Variants in MAML2 observed in about 807,000 individuals in gnomAD.
The protein encoded by MAML2 is mastermind like transcriptional coactivator 2.
In MAML2, 22 loss-of-function variants were observed where a neutral mutation model predicts 96.1. That is an observed-to-expected ratio of 0.23 (90% CI 0.16 to 0.33). MAML2 has a LOEUF of 0.33. MAML2 is among the 10% of genes least tolerant of loss of function. The probability of loss-of-function intolerance (pLI) is 1.00; values close to 1 mark genes in which losing one functional copy is unlikely to be tolerated. For missense variants in MAML2, 1,367 were observed against 1,392.4 expected (o/e 0.98, Z 0.29); for synonymous variants, 561 against 521.3 (o/e 1.08, Z -1.04).
intron 2 of MAML2, among the ~76,000 whole-genome samples, chr11:96,070,917 G>T (rs897407312): frequency 1.3e-5 from 2 of 152,218 alleles, no homozygotes; most frequent in Non-Finnish European, 2.9e-5. Context: ...ACTACAAAAG[G>T]TCTTTGACTT....
intron 1 of MAML2, among the ~76,000 whole-genome samples, chr11:96,308,212 T>C (rs1019380730): frequency 6.6e-6 from 1 of 152,020 alleles, no homozygotes; most frequent in Admixed American, 6.6e-5. Context: ...ATAAAGAATA[T>C]AAAATACTAA....
At position 96,176,122 on chromosome 11, in the gene MAML2, C is replaced by T. The variant is rs560130875; in HGVS notation, c.514-82605G>A. On this transcript the variant is annotated intron_variant, in intron 1 of 4. Transcript: ENST00000524717. ...GACCCAAATTTTACTCAAGAAGATG[C>T]GGTTCAGAGATGCTGGGTCATTAGC... Among the ~76,000 whole-genome samples the T allele has an allele frequency of 5.3e-5, 8 of 152,190 alleles. No individual in the cohort carries two copies. The South Asian group carries it at 1.7e-3, about 32-fold the overall frequency.
chr11:96,176,240 G>T (rs1861386897), intron 1 of MAML2, among the ~76,000 whole-genome samples: 1 of 152,096 alleles, frequency 6.6e-6, no homozygotes, highest in Non-Finnish European at 1.5e-5. Context: ...CCACAAAGTT[G>T]TCTCCATATA....
intron 1 of MAML2, among the ~76,000 whole-genome samples, chr11:96,289,627 T>C (rs1206504782): frequency 6.6e-6 from 1 of 152,194 alleles, no homozygotes; most frequent in Non-Finnish European, 1.5e-5. Context: ...TTTATTTAAA[T>C]TAATAAAAAT....
intron 1 of MAML2, among the ~76,000 whole-genome samples, chr11:96,319,130 T>C (rs1453891254): frequency 2.6e-5 from 4 of 152,198 alleles, no homozygotes; most frequent in African/African-American, 9.7e-5. Context: ...AGAACACTCA[T>C]GCAGCCTATA....
At chr11:96,005,784 A>G (rs768883146) in intron 2 of MAML2, among the ~76,000 whole-genome samples, 1 of 152,248 alleles carries the variant, frequency 6.6e-6, no homozygotes, top group African/African-American at 2.4e-5. Context: ...CAAAAGATTC[A>G]TATTTTTCCC....
At chr11:96,276,816 CAAAAA>C (rs67291067) in intron 1 of MAML2, among the ~76,000 whole-genome samples, 1 of 78,654 alleles carries the variant, frequency 1.3e-5, no homozygotes, top group Non-Finnish European at 2.5e-5. Context: ...TTCTCAGACC[CAAAAA>C]AAAAAAAAAA....
At chr11:96,109,703 C>CA in intron 1 of MAML2, among the ~76,000 whole-genome samples, 1 of 152,162 alleles carries the variant, frequency 6.6e-6, no homozygotes, top group African/African-American at 2.4e-5. Flanking sequence ...GAGTGTGTTT[C>CA]ATGATGGGGA....
chr11:96,135,278 C>T (rs1191429271), intron 1 of MAML2, among the ~76,000 whole-genome samples: 1 of 152,136 alleles, frequency 6.6e-6, no homozygotes, highest in Non-Finnish European at 1.5e-5. Context: ...AGATGCCAGC[C>T]CCTTGGACTT....
intron 2 of MAML2, among the ~76,000 whole-genome samples, chr11:96,089,256 A>C (rs763356640): frequency 6.6e-6 from 1 of 152,202 alleles, no homozygotes; most frequent in East Asian, 1.9e-4. Flanking sequence ...TTGAGAATAC[A>C]TGCCAACACA....
At chr11:96,253,620 G>T (rs1019024194) in intron 1 of MAML2, among the ~76,000 whole-genome samples, 1 of 152,188 alleles carries the variant, frequency 6.6e-6, no homozygotes, top group African/African-American at 2.4e-5. Context: ...ATCTTCTGAG[G>T]CGCATTTATC....
At chr11:96,016,776 C>G (rs1858359117) in intron 2 of MAML2, among the ~76,000 whole-genome samples, 1 of 152,022 alleles carries the variant, frequency 6.6e-6, no homozygotes, top group Non-Finnish European at 1.5e-5. Flanking sequence ...TTGTTAGTAT[C>G]CTAAAGACTA....
intron 2 of MAML2, among the ~76,000 whole-genome samples, chr11:96,002,806 T>TGATGATAGGGATGATGAGGAG (rs1858107783): frequency 8.3e-6 from 1 of 120,236 alleles, no homozygotes; most frequent in Non-Finnish European, 1.7e-5. Flanking sequence ...ATGATGAAGA[T>TGATGATAGGGATGATGAGGAG]GATGATGGGG....
At chr11:96,090,003 C>T (rs369760827) in intron 2 of MAML2, among the ~76,000 whole-genome samples, 2 of 38,586 alleles carry the variant, frequency 5.2e-5, no homozygotes, top group East Asian at 5.6e-4. Flanking sequence ...AATTCTCTTA[C>T]TCGTAACATG....
chr11:96,272,812 C>G (rs1241233190), intron 1 of MAML2, among the ~76,000 whole-genome samples: 3 of 152,190 alleles, frequency 2.0e-5, no homozygotes, highest in Non-Finnish European at 4.4e-5. Flanking sequence ...CTATTTAAGC[C>G]TTCGACTTAG....
At chr11:96,238,718 C>T (rs1862396016) in intron 1 of MAML2, among the ~76,000 whole-genome samples, 1 of 152,152 alleles carries the variant, frequency 6.6e-6, no homozygotes, top group South Asian at 2.1e-4. Context: ...GGCATGTGAG[C>T]TTATTCAAGT....
At chr11:96,117,772 G>A (rs1233835203) in intron 1 of MAML2, among the ~76,000 whole-genome samples, 1 of 152,098 alleles carries the variant, frequency 6.6e-6, no homozygotes, top group Non-Finnish European at 1.5e-5. Flanking sequence ...CCACACCCCA[G>A]GACTTAAAAA....
chr11:96,195,979 T>C (rs1037210284), intron 1 of MAML2, among the ~76,000 whole-genome samples: 2 of 152,228 alleles, frequency 1.3e-5, no homozygotes, highest in East Asian at 1.9e-4. Context: ...TGAAACACTG[T>C]TATTGTATAT....
intron 1 of MAML2, among the ~76,000 whole-genome samples, chr11:96,110,313 C>G (rs2135831304): frequency 6.6e-6 from 1 of 152,322 alleles, no homozygotes; most frequent in Admixed American, 6.5e-5. Context: ...TTAAATACTT[C>G]ACAGCAGTTG....
Sources: allele counts gnomAD v4.1 joint callset (sites outside exome capture counted in the v4.1 genomes callset), GRCh38; gene constraint gnomAD v4.1.1; transcripts MANE v1.5; gene names NCBI Gene and HGNC (gene_info 2026-07-23, HGNC 2026-07-21).